Variants in BMP2K observed in about 807,000 individuals in gnomAD.
BMP2K encodes the protein BMP-2-inducible protein kinase.
A neutral mutation model predicts 116.0 loss-of-function variants in BMP2K; 74 were observed. The observed-to-expected ratio is 0.64, with a 90% CI of 0.53 to 0.77. The LOEUF (loss-of-function observed/expected upper bound fraction) is 0.77, where lower values mean the gene tolerates loss of function less well. BMP2K is among the 30% of genes least tolerant of loss of function. The probability of loss-of-function intolerance (pLI) is 0.00; values close to 1 mark genes in which losing one functional copy is unlikely to be tolerated. For synonymous variants in BMP2K, 486 were observed against 502.5 expected (o/e 0.97, Z 0.44); for missense variants, 1,365 against 1,403.6 (o/e 0.97, Z 0.44).
At chr4:78,892,443 C>A (rs1431309230) in intron 15 of BMP2K, among the ~76,000 whole-genome samples, 1 of 152,014 alleles carries the variant, frequency 6.6e-6, no homozygotes, top group African/African-American at 2.4e-5. Flanking sequence ...GTTTTTATAC[C>A]TAATGGTAGT....
At chr4:78,818,774 C>T (rs968446663) in intron 1 of BMP2K, among the ~76,000 whole-genome samples, 3 of 149,136 alleles carry the variant, frequency 2.0e-5, no homozygotes, top group Admixed American at 6.7e-5. Flanking sequence ...CTCTAACCTT[C>T]GTAAGATGAA....
intron 15 of BMP2K, among the ~76,000 whole-genome samples, chr4:78,893,205 C>T (rs1035236504): frequency 1.3e-5 from 2 of 152,196 alleles, no homozygotes; most frequent in East Asian, 3.8e-4. Flanking sequence ...CAGATTCCAT[C>T]TCAAGAAACC....
Position 78,912,296 on chromosome 4 carries a change from T to C in BMP2K, c.*263T>C, listed in dbSNP as rs1734681985. On this transcript the variant is annotated 3_prime_UTR_variant, in exon 16 of 16. Transcript: ENST00000502613. Reference sequence around the variant, plus strand: ...TGACATCACAACACAGAAATGCAAGTGTGGTACTTCCAGTGAAAGCACATG... The same window carrying C: ...TGACATCACAACACAGAAATGCAAGCGTGGTACTTCCAGTGAAAGCACATG... The C allele has an allele frequency of 3.0e-5, 11 of 372,472 alleles. No homozygotes were observed. The Admixed American group carries it at 3.8e-4, about 13-fold the overall frequency. The allele number at this position is 372,472 out of a possible 1,614,324, so 23.1% of individuals were successfully genotyped here.
chr4:78,798,436 A>G (rs1337968560), intron 1 of BMP2K, among the ~76,000 whole-genome samples: 1 of 152,196 alleles, frequency 6.6e-6, no homozygotes, highest in East Asian at 1.9e-4. Flanking sequence ...ATCAAGGGAG[A>G]ACATAACTGG....
At chr4:78,781,856 C>G (rs986543795) in intron 1 of BMP2K, among the ~76,000 whole-genome samples, 1 of 152,032 alleles carries the variant, frequency 6.6e-6, no homozygotes, top group African/African-American at 2.4e-5. Flanking sequence ...CCACTGATTT[C>G]GAGCGGGCGA....
chr4:78,808,695 C>T (rs1210739180), intron 1 of BMP2K, among the ~76,000 whole-genome samples: 3 of 152,052 alleles, frequency 2.0e-5, no homozygotes, highest in African/African-American at 7.2e-5. Context: ...TTCTCATTTC[C>T]CTTGTGATTG....
intron 5 of BMP2K, among the ~76,000 whole-genome samples, chr4:78,846,184 G>T (rs1253731253): frequency 2.0e-5 from 3 of 151,560 alleles, no homozygotes; most frequent in Admixed American, 2.0e-4. Context: ...ATGAACAAAA[G>T]TTCATGAGGG....
chr4:78,859,557 T>TCTTA lies in BMP2K; in HGVS notation c.884-26_884-23dup, dbSNP rs374400423. ...AGTATAATGTGTGTTTCATAAAACT[T>TCTTA]CTTAACATTTTGATCTATTCTTGCA... is the stretch of plus-strand genomic sequence containing the variant. On this transcript the variant is annotated intron_variant, in intron 7 of 15. Transcript: ENST00000502613. The TCTTA allele has an allele frequency of 1.9e-5, 28 of 1,498,976 alleles. No individual in the cohort carries two copies. In the African/African-American group the frequency reaches 3.4e-4, roughly 18 times the overall value. 92.9% of individuals were successfully genotyped at this position (1,498,976 alleles called of 1,614,324 possible). A position where few individuals can be genotyped will look rare whatever the true frequency, so the allele number is the denominator to read the frequency against.
At position 78,912,100 on chromosome 4, in the gene BMP2K, A is replaced by C; in HGVS notation, c.*67A>C. 1 of 1,439,052 alleles carries C rather than the reference A, an allele frequency of 6.9e-7. No homozygotes were observed. The highest frequency in any genetic ancestry group is 9.4e-7 in the Non-Finnish European group (1 of 1,058,524). The allele number at this position is 1,439,052 out of a possible 1,614,324, so 89.1% of individuals were successfully genotyped here. A position where few individuals can be genotyped will look rare whatever the true frequency, so the allele number is the denominator to read the frequency against. On this transcript the variant is annotated 3_prime_UTR_variant, in exon 16 of 16. Coordinates refer to ENST00000502613, the MANE Select transcript of BMP2K (RefSeq NM_198892.2). ...AAGTGTGAACAGTTTTATGAATTTG[A>C]AAGAAAATTTGGTAGCTCTTTATAG...
intron 8 of BMP2K, among the ~76,000 whole-genome samples, chr4:78,860,717 A>G (rs1012846632): frequency 7.0e-6 from 1 of 141,980 alleles, no homozygotes; most frequent in African/African-American, 2.6e-5. Flanking sequence ...GGTTTCCTTT[A>G]TGTGTAACTT....
intron 3 of BMP2K, among the ~76,000 whole-genome samples, chr4:78,842,084 T>C (rs1220302751): frequency 1.3e-5 from 2 of 152,102 alleles, no homozygotes; most frequent in Non-Finnish European, 2.9e-5. Flanking sequence ...AGTATGGTGT[T>C]AAATAGCTAT....
intron 7 of BMP2K, chr4:78,859,144 T>C (rs1731646520): frequency 6.6e-6 from 1 of 152,362 alleles, no homozygotes; most frequent in Non-Finnish European, 1.5e-5. Context: ...TTATAACATA[T>C]ACAATTTAGG....
intron 1 of BMP2K, among the ~76,000 whole-genome samples, chr4:78,807,144 G>C (rs1158963129): frequency 1.3e-5 from 2 of 152,070 alleles, no homozygotes; most frequent in Middle Eastern, 3.2e-3. Context: ...GAGCCACCGT[G>C]CCTGGCTGGG....
At chr4:78,830,320 C>T (rs759045346) in intron 2 of BMP2K, among the ~76,000 whole-genome samples, 2 of 152,164 alleles carry the variant, frequency 1.3e-5, no homozygotes, top group Non-Finnish European at 2.9e-5. Context: ...GTAAACCATG[C>T]TGGAAACAGA....
chr4:78,788,664 G>T (rs570395176), intron 1 of BMP2K, among the ~76,000 whole-genome samples: 1 of 151,270 alleles, frequency 6.6e-6, no homozygotes, highest in Non-Finnish European at 1.5e-5. Flanking sequence ...CCTTAGTGCA[G>T]TGGGAACTTT....
At chr4:78,829,500 C>T (rs1019715305) in intron 2 of BMP2K, among the ~76,000 whole-genome samples, 1 of 151,572 alleles carries the variant, frequency 6.6e-6, no homozygotes, top group Non-Finnish European at 1.5e-5. Context: ...GAATCAGCCT[C>T]TTCCAAACTC....
intron 2 of BMP2K, among the ~76,000 whole-genome samples, chr4:78,828,587 A>G (rs1016972206): frequency 4.6e-5 from 7 of 152,158 alleles, no homozygotes; most frequent in Non-Finnish European, 1.0e-4. Flanking sequence ...CAGGAGAGAG[A>G]TTCTGTTTCC....
chr4:78,903,989 T>A (rs1298052070), intron 15 of BMP2K, among the ~76,000 whole-genome samples: 7 of 151,966 alleles, frequency 4.6e-5, no homozygotes, highest in Non-Finnish European at 7.4e-5. Context: ...AGGTCTCAGA[T>A]TTCTTACGTA....
rs944944326 is a variant in BMP2K at position 78,913,292 on chromosome 4, A to C, written c.*1259A>C. The C allele has an allele frequency of 6.6e-6, 1 of 152,146 alleles. No individual in the cohort carries two copies. Among genetic ancestry groups the C allele is most frequent in the Non-Finnish European group, 1.5e-5 (1 of 67,994 alleles). The allele number at this position is 152,146 out of a possible 1,614,324, so 9.4% of individuals were successfully genotyped here. On this transcript the variant is annotated 3_prime_UTR_variant, in exon 16 of 16. Transcript: ENST00000502613. ...GGTGGACTAGCATCTTAATTCTGCT[A>C]GTTGATTGTGTCTTTACTGAAAAGA...
Sources: gnomAD v4.1 joint callset for allele counts (sites outside exome capture counted in the v4.1 genomes callset) on GRCh38, gnomAD v4.1.1 for gene constraint, MANE v1.5 for transcripts, NCBI Gene and HGNC (gene_info 2026-07-23, HGNC 2026-07-21) for gene names.